RNF126: variants seen among roughly 807,000 people sequenced by gnomAD.
RNF126 encodes the protein E3 ubiquitin-protein ligase RNF126.
Under a neutral mutation model 41.9 loss-of-function variants are expected in RNF126, and 20 were observed. The observed-to-expected ratio is 0.48, with a 90% CI of 0.34 to 0.69. The LOEUF (loss-of-function observed/expected upper bound fraction) is 0.69, where lower values mean the gene tolerates loss of function less well. RNF126 is among the 30% of genes least tolerant of loss of function. RNF126 has a pLI of 0.01. For synonymous variants in RNF126, 239 were observed against 202.9 expected (o/e 1.18, Z -1.51); for missense variants, 433 against 460.6 (o/e 0.94, Z 0.55).
At chr19:651,964 CG>C in intron 3 of RNF126, 109 bp from the exon 4 acceptor site, 1 of 1,046,786 alleles carries the variant, frequency 9.6e-7, no homozygotes, top group Non-Finnish European at 1.4e-6. Context: ...TGCTGGGTGC[CG>C]GGTGGGAGGG....
In RNF126 at chr19:651,934, G is replaced by A. The variant is rs758647113; in HGVS notation, c.199-79C>T. On this transcript the variant is annotated intron_variant, in intron 3 of 8. Transcript: ENST00000292363. ...GGGGGCGCTAGGGCACAAAGACAAAGGAGAAAGCAAGACGGGCCCTGCTGG... is the reference window on the plus strand; with the variant it reads ...GGGGGCGCTAGGGCACAAAGACAAAAGAGAAAGCAAGACGGGCCCTGCTGG... 3.5e-5 allele frequency: 48 copies of A among 1,376,664 alleles called. No homozygotes were observed. In the South Asian group the frequency reaches 5.2e-4, roughly 15 times the overall value. 85.3% of individuals were successfully genotyped at this position (1,376,664 alleles called of 1,614,324 possible).
chr19:648,544 A>C, intron 7 of RNF126, 57 bp from the exon 8 acceptor site: 1 of 1,370,314 alleles, frequency 7.3e-7, no homozygotes, highest in Non-Finnish European at 1.0e-6. Context: ...CGAGCCTTCA[A>C]GGGCAGGCTA....
chr19:661,848 C>T (rs564175573), intron 1 of RNF126, among the ~76,000 whole-genome samples: 19 of 152,242 alleles, frequency 1.2e-4, no homozygotes, highest in African/African-American at 4.6e-4. Context: ...GAGTCCAGAC[C>T]CCTCCACCTC....
rs1000069905 is a variant in RNF126, at chr19:659,765, C to A, written c.75+3282G>T. On this transcript the variant is annotated intron_variant, in intron 1 of 8. Coordinates refer to ENST00000292363, the MANE Select transcript of RNF126 (RefSeq NM_194460.3). The surrounding 1 kb of genome is among the most constrained non-coding windows in gnomAD (Gnocchi z 4.9). ...AGACACCCAGACACCCTCGTCATCGCCTTTTTTTTTTTTTTTTGGAAGGAG... is the reference window on the plus strand; with the variant it reads ...AGACACCCAGACACCCTCGTCATCGACTTTTTTTTTTTTTTTTGGAAGGAG... 2.7e-5 allele frequency among the ~76,000 whole-genome samples: 4 copies of A among 149,652 alleles called. No individual in the cohort carries two copies. Among genetic ancestry groups the A allele is most frequent in the Admixed American group, 2.0e-4 (3 of 15,010 alleles).
chr19:655,556 C>G (rs930653833), intron 1 of RNF126, among the ~76,000 whole-genome samples: 5 of 152,018 alleles, frequency 3.3e-5, no homozygotes, highest in Admixed American at 1.3e-4. Context: ...TGGGTAAACG[C>G]AGCCGGCCAG....
intron 4 of RNF126, 99 bp downstream of exon 4, chr19:651,512 T>C: frequency 2.4e-6 from 3 of 1,250,540 alleles, no homozygotes; most frequent in Non-Finnish European, 3.1e-6. Context: ...AGCCTATGGA[T>C]GATGCCACGT....
rs773845769 is a variant in RNF126, at chr19:648,398, C to A, written c.760G>T (p.Gly254Cys). ...QLPCNHLFHDGCIVPWLEQHD... is the reference protein window; with the variant it reads ...QLPCNHLFHDCCIVPWLEQHD... Reference sequence around the variant, plus strand: ...TGCTCCAGCCAGGGCACGATGCAGCCGTCGTGGAACAGGTGGTTGCAGGGC... The same window carrying A: ...TGCTCCAGCCAGGGCACGATGCAGCAGTCGTGGAACAGGTGGTTGCAGGGC... Residue 254 changes from glycine (G) to cysteine (C), a missense_variant, in exon 8 of 9, where the codon GGC (glycine) becomes TGC (cysteine). Gly to Cys is a radical substitution (Grantham distance 159, BLOSUM62 -3). This residue lies in a region of RNF126 where 97 missense variants were observed against 121.7 expected (regional missense o/e 0.80). Coordinates refer to ENST00000292363, the MANE Select transcript of RNF126 (RefSeq NM_194460.3). 1.9e-6 allele frequency: 3 copies of A among 1,568,228 alleles called. No homozygotes were observed. Among genetic ancestry groups the A allele is most frequent in the South Asian group, 1.2e-5 (1 of 85,652 alleles).
chr19:650,302 A>G lies in RNF126; in HGVS notation c.444-6T>C, dbSNP rs1286143324. Reference sequence around the variant, plus strand: ...TGACGAGCTGCTGGATGATCCTGGAAAAGAGAGCGCCAGTCACGGGGTGAG... The same window carrying G: ...TGACGAGCTGCTGGATGATCCTGGAGAAGAGAGCGCCAGTCACGGGGTGAG... On this transcript the variant is annotated splice_polypyrimidine_tract_variant and splice_region_variant and intron_variant, in intron 4 of 8. Coordinates refer to ENST00000292363, the MANE Select transcript of RNF126 (RefSeq NM_194460.3). 6.3e-7 allele frequency: 1 copy of G among 1,575,798 alleles called. No homozygotes were observed. The highest frequency in any genetic ancestry group is 2.3e-5 in the East Asian group (1 of 43,870).
chr19:653,068 A>C (rs1000472787), intron 1 of RNF126, among the ~76,000 whole-genome samples, 184 bp from the exon 2 acceptor site: 13 of 151,970 alleles, frequency 8.6e-5, no homozygotes, highest in African/African-American at 3.1e-4. Flanking sequence ...TCTGCCAGCC[A>C]CCCGCTGACC....
At chr19:655,697 G>A (rs907963868) in intron 1 of RNF126, among the ~76,000 whole-genome samples, 1 of 152,074 alleles carries the variant, frequency 6.6e-6, no homozygotes, top group African/African-American at 2.4e-5. Flanking sequence ...CACTCCAGGC[G>A]CAGACCCCAG....
chr19:649,611 G>T, intron 6 of RNF126, 68 bp downstream of exon 6: 1 of 1,315,126 alleles, frequency 7.6e-7, no homozygotes, highest in Non-Finnish European at 1.1e-6. Context: ...CAGGCAGTGG[G>T]GCAGCTCCCA....
intron 1 of RNF126, among the ~76,000 whole-genome samples, chr19:658,257 G>T (rs2030644230): frequency 6.6e-6 from 1 of 152,114 alleles, no homozygotes; most frequent in Non-Finnish European, 1.5e-5. Flanking sequence ...GGCAGCAGAG[G>T]CCCCTTCATC....
chr19:660,637 A>G (rs1160947389), intron 1 of RNF126, among the ~76,000 whole-genome samples: 1 of 152,070 alleles, frequency 6.6e-6, no homozygotes, highest in Non-Finnish European at 1.5e-5. Context: ...CCAGCATAAA[A>G]AATTCGTTTT....
intron 1 of RNF126, among the ~76,000 whole-genome samples, chr19:654,765 G>A (rs1404031942): frequency 2.0e-5 from 3 of 150,416 alleles, no homozygotes; most frequent in African/African-American, 4.9e-5. Flanking sequence ...CCAGGAGTTC[G>A]AGACCAGCCT....
chr19:648,240 C>A lies in RNF126; in HGVS notation c.824G>T (p.Gly275Val). The A allele has an allele frequency of 6.3e-7, 1 of 1,591,252 alleles. No homozygotes were observed. The highest frequency in any genetic ancestry group is 8.6e-7 in the Non-Finnish European group (1 of 1,169,178). Residue 275 changes from glycine to valine, a missense_variant, in exon 9 of 9, where the codon GGA (glycine) becomes GTA (valine). Transcript: ENST00000292363. ...AGGGGGGTTCGTGGCCGTGTTCTGTCCCGTGAGGCTTTTTCGGCAGACGGG... is the reference window on the plus strand; with the variant it reads ...AGGGGGGTTCGTGGCCGTGTTCTGTACCGTGAGGCTTTTTCGGCAGACGGG... The part of the protein sequence containing the change: ...SCPVCRKSLT[G>V]QNTATNPPGL...
At chr19:654,795 C>A (rs1236517766) in intron 1 of RNF126, among the ~76,000 whole-genome samples, 2 of 150,964 alleles carry the variant, frequency 1.3e-5, no homozygotes, top group Non-Finnish European at 3.0e-5. Flanking sequence ...GGAGAAACCC[C>A]GTCTCTACTA....
intron 1 of RNF126, among the ~76,000 whole-genome samples, chr19:662,555 C>T (rs1216165004): frequency 6.6e-6 from 1 of 152,118 alleles, no homozygotes; most frequent in African/African-American, 2.4e-5. Context: ...AGCGAGGCGC[C>T]GGCGCCCCCA....
chr19:653,468 T>C (rs34538684), intron 1 of RNF126, among the ~76,000 whole-genome samples: 38,903 of 152,112 alleles, frequency 0.26, 5,246 homozygotes, highest in Middle Eastern at 0.36. Context: ...CAAAACCACG[T>C]TCACAGTTCC....
In RNF126 at chr19:651,686, C is replaced by T; in HGVS notation, c.368G>A (p.Gly123Asp). 2 of 1,585,736 alleles carry T rather than the reference C, an allele frequency of 1.3e-6. No homozygotes were observed. The highest frequency in any genetic ancestry group is 1.7e-6 in the Non-Finnish European group (2 of 1,167,928). ...ERDHPSRHRY[G>D]ARQPRARLTT... Reference sequence around the variant, plus strand: ...GAGGCGGGCGCGGGGCTGTCGGGCGCCGTACCGGTGCCGGGACGGATGGTC... The same window carrying T: ...GAGGCGGGCGCGGGGCTGTCGGGCGTCGTACCGGTGCCGGGACGGATGGTC... The change falls in exon 4 of 9, where the codon GGC becomes GAC. Residue 123 changes from glycine (G) to aspartate (D), a missense_variant. Physicochemically the swap from Gly to Asp is moderately conservative, Grantham distance 94. Transcript: ENST00000292363.
Sources: gnomAD v4.1 joint callset for allele counts (sites outside exome capture counted in the v4.1 genomes callset) on GRCh38, gnomAD v4.1.1 for gene constraint, gnomAD v4.1.1 regional missense constraint, Gnocchi (gnomAD v3.1) non-coding constraint, MANE v1.5 for transcripts, NCBI Gene and HGNC (gene_info 2026-07-23, HGNC 2026-07-21) for gene names.